The following YARS1 variants were observed in gnomAD, a reference collection of about 807,000 sequenced individuals.
YARS1 encodes the protein tyrosyl-tRNA synthetase 1, also known as tyrosine--tRNA ligase, cytoplasmic.
Under a neutral mutation model 62.2 loss-of-function variants are expected in YARS1, and 36 were observed. The observed-to-expected ratio is 0.58, with a 90% CI of 0.44 to 0.76. The LOEUF (loss-of-function observed/expected upper bound fraction) is 0.76, where lower values mean the gene tolerates loss of function less well. YARS1 is among the 30% of genes least tolerant of loss of function. The pLI, the probability that YARS1 is intolerant of heterozygous loss-of-function variation, is 0.00. For synonymous variants in YARS1, 234 were observed against 244.9 expected, an observed-to-expected ratio of 0.96 and a Z score of 0.42; for missense variants, 524 against 639.8, an observed-to-expected ratio of 0.82 and a Z score of 1.95.
intron 1 of YARS1, among the ~76,000 whole-genome samples, chr1:32,815,047 T>G (rs12760548): frequency 0.18 from 26,626 of 152,100 alleles, 2,729 homozygotes; most frequent in African/African-American, 0.27. Context: ...TCACATTACT[T>G]AGCCTTTAAA....
intron 3 of YARS1, among the ~76,000 whole-genome samples, chr1:32,808,124 G>A (rs1185424745): frequency 1.3e-5 from 2 of 151,748 alleles, no homozygotes; most frequent in African/African-American, 2.4e-5. Flanking sequence ...CTCTGGTCTC[G>A]AATTCCTGAG....
At chr1:32,779,546 A>T in intron 11 of YARS1, 23 bp from the exon 12 acceptor site, 2 of 1,614,112 alleles carry the variant, frequency 1.2e-6, no homozygotes, top group Non-Finnish European at 1.7e-6. Context: ...AGGACAAGAG[A>T]AGAGTGAGGC....
rs564929047 is a variant in YARS1 at position 32,785,023 on chromosome 1, G to T, written c.906+1339C>A. 2.8e-4 allele frequency among the ~76,000 whole-genome samples: 43 copies of T among 152,260 alleles called. No homozygotes were observed. The Middle Eastern group carries it at 0.01, about 36-fold the overall frequency. On this transcript the variant is annotated intron_variant, in intron 8 of 12. Transcript: ENST00000373477. ...GAAATACTTCATTTTTGCTGAGTTAGGTCCTTTATTCCAGCCTGCTAAGTC... is the reference window on the plus strand; with the variant it reads ...GAAATACTTCATTTTTGCTGAGTTATGTCCTTTATTCCAGCCTGCTAAGTC...
intron 1 of YARS1, chr1:32,811,696 G>T (rs1394822562): frequency 6.3e-6 from 1 of 158,802 alleles, no homozygotes; most frequent in Non-Finnish European, 1.4e-5. Context: ...TCTCTCGGTC[G>T]CTGGCTAATA....
chr1:32,788,334 T>C (rs1043377335), intron 6 of YARS1, among the ~76,000 whole-genome samples: 1 of 152,178 alleles, frequency 6.6e-6, no homozygotes, highest in Non-Finnish European at 1.5e-5. Context: ...CACTGTAACC[T>C]CGAACTCCTG....
intron 3 of YARS1, 96 bp from the exon 4 acceptor site, chr1:32,806,707 A>C (rs894873241): frequency 2.6e-5 from 40 of 1,514,164 alleles, no homozygotes; most frequent in Non-Finnish European, 3.2e-5. Context: ...CCCTAACCTT[A>C]GTGTAACCAG....
intron 7 of YARS1, chr1:32,786,694 G>A: frequency 1.4e-6 from 1 of 694,218 alleles, no homozygotes; most frequent in Non-Finnish European, 2.4e-6. Context: ...CAACATGTCT[G>A]CCCCCACCCT....
chr1:32,789,402 T>C (rs1023577388), intron 6 of YARS1, among the ~76,000 whole-genome samples: 1 of 152,208 alleles, frequency 6.6e-6, no homozygotes, highest in Non-Finnish European at 1.5e-5. Flanking sequence ...AAGTATTATA[T>C]ATTATCTACA....
intron 6 of YARS1, among the ~76,000 whole-genome samples, chr1:32,790,040 C>G (rs1407564324): frequency 1.3e-5 from 2 of 150,488 alleles, no homozygotes; most frequent in Admixed American, 1.3e-4. Flanking sequence ...CCTGCCACCA[C>G]GACTGGCTAA....
chr1:32,779,142 T>C (rs1171789195), intron 12 of YARS1, among the ~76,000 whole-genome samples: 2 of 151,992 alleles, frequency 1.3e-5, no homozygotes, highest in Non-Finnish European at 2.9e-5. Context: ...AATGAAGAAA[T>C]GTCTGAAGTC....
chr1:32,781,960 T>C (rs1204399338), intron 9 of YARS1: 2 of 194,422 alleles, frequency 1.0e-5, no homozygotes, highest in Admixed American at 1.1e-4. Context: ...ACTACAGGCA[T>C]GTGCTACTAT....
intron 1 of YARS1, among the ~76,000 whole-genome samples, chr1:32,816,277 C>T (rs1368038058): frequency 2.0e-5 from 3 of 152,112 alleles, no homozygotes; most frequent in African/African-American, 7.2e-5. Context: ...TATCACTACT[C>T]TTAGAAGGAA....
rs954353888 is a variant in YARS1, at chr1:32,776,161, AG to A, written c.1477-71del. ...TGCAAGAAAACCCCCCCTTTTTTGG[AG>A]GGGGGGCAGAGTTTTGCTCTTGTTG... On this transcript the variant is annotated intron_variant, in intron 12 of 12. Coordinates refer to ENST00000373477, the MANE Select transcript of YARS1 (RefSeq NM_003680.4). The surrounding 1 kb of genome is among the most constrained non-coding windows in gnomAD (Gnocchi z 4.0). 32 of 1,320,356 alleles carry A rather than the reference AG, an allele frequency of 2.4e-5. No individual in the cohort carries two copies. The African/African-American group carries it at 3.1e-4, about 13-fold the overall frequency. The allele number at this position is 1,320,356 out of a possible 1,614,324, so 81.8% of individuals were successfully genotyped here.
chr1:32,808,492 T>C (rs1638513207), intron 3 of YARS1, among the ~76,000 whole-genome samples: 2 of 152,270 alleles, frequency 1.3e-5, no homozygotes, highest in East Asian at 1.9e-4. Flanking sequence ...TGAGCCACCA[T>C]GCCTGGCCCT....
intron 8 of YARS1, 23 bp downstream of exon 8, chr1:32,786,339 G>A (rs1490267528): frequency 6.2e-7 from 1 of 1,608,910 alleles, no homozygotes; most frequent in South Asian, 1.1e-5. Context: ...TTCATGAAAG[G>A]ATTCCTTTTC....
At chr1:32,786,688 A>C in intron 7 of YARS1, 2 of 694,266 alleles carry the variant, frequency 2.9e-6, no homozygotes, top group South Asian at 3.7e-5. Context: ...CTAGTTCAAC[A>C]TGTCTGCCCC....
chr1:32,793,093 C>T (rs989473677), intron 5 of YARS1, among the ~76,000 whole-genome samples: 1 of 151,650 alleles, frequency 6.6e-6, no homozygotes, highest in African/African-American at 2.4e-5. Context: ...ACAGAAGACA[C>T]GATTGATAAA....
At chr1:32,804,263 C>T (rs1241448762) in intron 4 of YARS1, among the ~76,000 whole-genome samples, 2 of 152,266 alleles carry the variant, frequency 1.3e-5, no homozygotes, top group East Asian at 1.9e-4. Flanking sequence ...GTACTCCTCC[C>T]AGACGGGGTG....
At chr1:32,780,346 G>A in intron 10 of YARS1, 68 bp from the exon 11 acceptor site, 3 of 1,591,872 alleles carry the variant, frequency 1.9e-6, no homozygotes, top group Non-Finnish European at 1.7e-6. Flanking sequence ...GTGAACTCTT[G>A]GATTCCGGAA....
Sources: gnomAD v4.1 joint callset for allele counts (sites outside exome capture counted in the v4.1 genomes callset) on GRCh38, gnomAD v4.1.1 for gene constraint, Gnocchi (gnomAD v3.1) non-coding constraint, MANE v1.5 for transcripts, NCBI Gene and HGNC (gene_info 2026-07-23, HGNC 2026-07-21) for gene names.